KCNQ1: variants seen among roughly 807,000 people sequenced by gnomAD.
KCNQ1 encodes potassium voltage-gated channel subfamily KQT member 1.
A neutral mutation model predicts 72.4 loss-of-function variants in KCNQ1; 49 were observed. That is an observed-to-expected ratio of 0.68 (90% CI 0.54 to 0.86). KCNQ1 has a LOEUF of 0.86. Ranked by LOEUF, KCNQ1 falls within the 40% of genes least tolerant of loss-of-function variation. The pLI, the probability that KCNQ1 is intolerant of heterozygous loss-of-function variation, is 0.00. For missense variants in KCNQ1, 790 were observed against 945.1 expected, an observed-to-expected ratio of 0.84 and a Z score of 2.15; for synonymous variants, 450 against 412.6, an observed-to-expected ratio of 1.09 and a Z score of -1.10.
At chr11:2,825,836 G>A (rs2134061272) in intron 15 of KCNQ1, among the ~76,000 whole-genome samples, 1 of 152,314 alleles carries the variant, frequency 6.6e-6, no homozygotes, top group African/African-American at 2.4e-5. Flanking sequence ...GGCAAGGGTG[G>A]AGTTTGGAGT....
At chr11:2,696,530 C>G in intron 11 of KCNQ1, 1 of 398,616 alleles carries the variant, frequency 2.5e-6, no homozygotes. Flanking sequence ...TTCAAAAGTT[C>G]AGTTGGCATT....
chr11:2,729,398 T>G (rs186483561), intron 11 of KCNQ1, among the ~76,000 whole-genome samples: 1 of 152,348 alleles, frequency 6.6e-6, no homozygotes, highest in East Asian at 1.9e-4. Flanking sequence ...AAGTGAGATG[T>G]GTTGGCATTT....
chr11:2,760,651 C>T (rs1053933929), intron 11 of KCNQ1, among the ~76,000 whole-genome samples: 8 of 152,188 alleles, frequency 5.3e-5, no homozygotes, highest in Non-Finnish European at 8.8e-5. Flanking sequence ...CCCTCAGTGC[C>T]TTCCTGCAAC....
At chr11:2,643,055 T>A (rs945006579) in intron 10 of KCNQ1, 1 of 397,986 alleles carries the variant, frequency 2.5e-6, no homozygotes, top group Non-Finnish European at 4.4e-6. Context: ...ATATATATAT[T>A]TAAAATCATA....
intron 11 of KCNQ1, chr11:2,696,044 T>A: frequency 2.5e-6 from 1 of 398,646 alleles, no homozygotes; most frequent in Non-Finnish European, 4.4e-6. Flanking sequence ...GTTTCCTTAG[T>A]ATTATTATGA....
chr11:2,522,667 C>T (rs1165276580), intron 1 of KCNQ1, among the ~76,000 whole-genome samples: 3 of 152,260 alleles, frequency 2.0e-5, no homozygotes, highest in Non-Finnish European at 4.4e-5. Context: ...TCGGAAGAAT[C>T]ATTTAGCCTT....
At chr11:2,717,913 A>G (rs1851122014) in intron 11 of KCNQ1, among the ~76,000 whole-genome samples, 1 of 152,220 alleles carries the variant, frequency 6.6e-6, no homozygotes, top group Admixed American at 6.5e-5. Flanking sequence ...GTATTAGCCC[A>G]GCATTTTAGG....
chr11:2,622,753 CA>C (rs1481143260), intron 10 of KCNQ1: 9 of 398,430 alleles, frequency 2.3e-5, no homozygotes, highest in African/African-American at 1.2e-4. Flanking sequence ...AGGGTTCCAG[CA>C]AAATTGAGAG....
chr11:2,839,720 C>T (rs999367128), intron 15 of KCNQ1: 2 of 152,224 alleles, frequency 1.3e-5, no homozygotes, highest in African/African-American at 4.8e-5. Flanking sequence ...GCTCAGAGTA[C>T]AAAGAAGAGG....
In KCNQ1 at chr11:2,492,535, C is replaced by T. The variant is rs1032504109; in HGVS notation, c.387-35393C>T. Among the ~76,000 whole-genome samples, 4 of 152,232 alleles carry T rather than the reference C, an allele frequency of 2.6e-5. No individual in the cohort carries two copies. Among genetic ancestry groups the T allele is most frequent in the African/African-American group, 4.8e-5 (2 of 41,544 alleles). ...TTGGCCCCCATCTCCCCACAGATCC[C>T]GGTGTGTGATGTTCCCCTCCCTGTG... On this transcript the variant is annotated intron_variant, in intron 1 of 15. Transcript: ENST00000155840. This position sits in a 1 kb window ranked among gnomAD's most constrained non-coding sequence, Gnocchi z 4.1.
intron 1 of KCNQ1, among the ~76,000 whole-genome samples, chr11:2,511,409 G>A (rs185455398): frequency 6.6e-6 from 1 of 152,244 alleles, no homozygotes; most frequent in African/African-American, 2.4e-5. Flanking sequence ...ACCTCGTCAG[G>A]CCCAGCAGCC....
Position 2,663,895 on chromosome 11 carries a change from G to A in KCNQ1, c.1514+1814G>A. 5.0e-6 allele frequency: 2 copies of A among 398,718 alleles called. No homozygotes were observed. Among genetic ancestry groups the A allele is most frequent in the Non-Finnish European group, 8.8e-6 (2 of 226,112 alleles). 24.7% of individuals were successfully genotyped at this position (398,718 alleles called of 1,614,324 possible). On this transcript the variant is annotated intron_variant, in intron 11 of 15. Transcript: ENST00000155840. The surrounding 1 kb of genome is among the most constrained non-coding windows in gnomAD (Gnocchi z 5.2). ...TGCCCAAGGGTGACCCCAAGCCAGTGTGGCTGTGTCATCTAGGACACTGGG... is the reference window on the plus strand; with the variant it reads ...TGCCCAAGGGTGACCCCAAGCCAGTATGGCTGTGTCATCTAGGACACTGGG...
chr11:2,453,968 C>T (rs1846149234), intron 1 of KCNQ1, among the ~76,000 whole-genome samples: 1 of 152,084 alleles, frequency 6.6e-6, no homozygotes, highest in South Asian at 2.1e-4. Flanking sequence ...CAGGGTCTTG[C>T]TGTGTTGGCA....
At chr11:2,648,676 C>G (rs1188865552) in intron 10 of KCNQ1, 1 of 398,252 alleles carries the variant, frequency 2.5e-6, no homozygotes, top group Admixed American at 4.4e-5. Context: ...TATTGAGACC[C>G]GTTTTGTGTC....
chr11:2,685,855 C>T (rs1353181452), intron 11 of KCNQ1: 11 of 398,632 alleles, frequency 2.8e-5, no homozygotes, highest in Non-Finnish European at 4.9e-5. Context: ...CCTCCTGCTT[C>T]ACCCAGGACT....
intron 15 of KCNQ1, among the ~76,000 whole-genome samples, chr11:2,799,407 G>GGT (rs1847213277): frequency 7.0e-6 from 1 of 142,300 alleles, no homozygotes; most frequent in Non-Finnish European, 1.5e-5. Context: ...TGTGTGGTGT[G>GGT]GTGTGTAGCA....
intron 10 of KCNQ1, chr11:2,650,821 C>T (rs1849745526): frequency 2.5e-6 from 1 of 398,600 alleles, no homozygotes; most frequent in Non-Finnish European, 4.4e-6. Context: ...GTTTTATTTG[C>T]ACTTACTGAT....
Position 2,478,238 on chromosome 11 carries a change from C to T in KCNQ1, c.386+32754C>T, listed in dbSNP as rs552867287. Among the ~76,000 whole-genome samples the T allele has an allele frequency of 2.2e-4, 34 of 152,246 alleles. No homozygotes were observed. Among genetic ancestry groups the T allele is most frequent in the Admixed American group, 7.2e-4 (11 of 15,300 alleles). On this transcript the variant is annotated intron_variant, in intron 1 of 15. Transcript: ENST00000155840. The surrounding 1 kb of genome is among the most constrained non-coding windows in gnomAD (Gnocchi z 4.0). ...CTTTGAAAATGCCAGGGCCAAAAAA[C>T]GTAGAAGGCTAAATAAAGTACCGTT...
rs978947749 is a variant in KCNQ1, at chr11:2,600,656, T to C, written c.1393+11802T>C. Among the ~76,000 whole-genome samples the C allele has an allele frequency of 6.6e-6, 1 of 152,236 alleles. No individual in the cohort carries two copies. The highest frequency in any genetic ancestry group is 2.4e-5 in the African/African-American group (1 of 41,466). On this transcript the variant is annotated intron_variant, in intron 10 of 15. Transcript: ENST00000155840. The surrounding 1 kb of genome is among the most constrained non-coding windows in gnomAD (Gnocchi z 5.6). ...ACTTGGACCTAATTTAATGCCTATG[T>C]TCCCATTTTGTCAGTTGCCATGACA...
Sources: allele counts gnomAD v4.1 joint callset (sites outside exome capture counted in the v4.1 genomes callset), GRCh38; gene constraint gnomAD v4.1.1; non-coding constraint Gnocchi (gnomAD v3.1); transcripts MANE v1.5; gene names NCBI Gene and HGNC (gene_info 2026-07-23, HGNC 2026-07-21).